The following PTPRN2 variants were observed in gnomAD, a reference collection of about 807,000 sequenced individuals.
The protein encoded by PTPRN2 is receptor-type tyrosine-protein phosphatase N2.
Under a neutral mutation model 118.8 loss-of-function variants are expected in PTPRN2, and 74 were observed. The observed-to-expected ratio is 0.62, with a 90% confidence interval of 0.52 to 0.76. The LOEUF (loss-of-function observed/expected upper bound fraction) is 0.76. Among genes scored for constraint, PTPRN2 ranks in the 30% least tolerant of loss-of-function variants. PTPRN2 has a pLI of 0.00. For missense variants in PTPRN2, 1,481 were observed against 1,394.4 expected, an observed-to-expected ratio of 1.06 and a Z score of -0.99; for synonymous variants, 641 against 608.0, an observed-to-expected ratio of 1.05 and a Z score of -0.80.
intron 3 of PTPRN2, among the ~76,000 whole-genome samples, chr7:158,254,688 C>G (rs563343990): frequency 5.3e-5 from 8 of 152,064 alleles, no homozygotes; most frequent in African/African-American, 1.9e-4. Context: ...ATCCCTGTAA[C>G]TGGACAGTGG....
rs565347973 is a variant in PTPRN2, at chr7:158,343,392, C to A, written c.164-26460G>T. 2.0e-5 allele frequency among the ~76,000 whole-genome samples: 3 copies of A among 152,264 alleles called. No individual in the cohort carries two copies. In the East Asian group the frequency reaches 5.8e-4, roughly 29 times the overall value. ...GGACATCTGCTATCAAAAAACGAAA[C>A]GAAGCAAAACCGAAAATAACGCGTG... is the stretch of plus-strand genomic sequence containing the variant. On this transcript the variant is annotated intron_variant, in intron 2 of 22. Transcript: ENST00000389418.
chr7:157,866,869 C>T (rs112233047), intron 12 of PTPRN2, among the ~76,000 whole-genome samples: 1 of 85,676 alleles, frequency 1.2e-5, no homozygotes, highest in Non-Finnish European at 2.5e-5. Context: ...CACCACCCCG[C>T]CCCCGACGCC....
chr7:157,936,622 G>A (rs1244463455), intron 11 of PTPRN2, among the ~76,000 whole-genome samples: 1 of 143,624 alleles, frequency 7.0e-6, no homozygotes, highest in Non-Finnish European at 1.6e-5. Context: ...TCGGAAGCCA[G>A]GGTGGGGTTC....
rs559724344 is a variant in PTPRN2, at chr7:158,249,281, A to G, written c.278-44008T>C. 1.7e-3 allele frequency among the ~76,000 whole-genome samples: 250 copies of G among 150,716 alleles called. 1 individual carries two copies. The highest frequency in any genetic ancestry group is 5.8e-3 in the African/African-American group (237 of 40,824). ...CACACGCATCACACACATGCACACC[A>G]TACACACATGCATACATATGCATAT... On this transcript the variant is annotated intron_variant, in intron 3 of 22. Coordinates refer to ENST00000389418, the MANE Select transcript of PTPRN2 (RefSeq NM_002847.5).
At chr7:157,636,446 T>C (rs1286297016) in intron 14 of PTPRN2, among the ~76,000 whole-genome samples, 3 of 152,254 alleles carry the variant, frequency 2.0e-5, no homozygotes, top group Non-Finnish European at 4.4e-5. Context: ...AGTGTGATGA[T>C]TTTAATACCA....
chr7:157,672,170 CT>C (rs758262739), intron 13 of PTPRN2, among the ~76,000 whole-genome samples: 8 of 152,072 alleles, frequency 5.3e-5, no homozygotes, highest in Non-Finnish European at 1.0e-4. Flanking sequence ...AAAACCCCCC[CT>C]GGAGAAGCGA....
rs1201545526 is a variant in PTPRN2 at position 157,987,952 on chromosome 7, C to A, written c.1724-89215G>T. Among the ~76,000 whole-genome samples the A allele has an allele frequency of 1.3e-5, 2 of 152,022 alleles. No homozygotes were observed. The highest frequency in any genetic ancestry group is 2.9e-5 in the Non-Finnish European group (2 of 68,006). On this transcript the variant is annotated intron_variant, in intron 11 of 22. Coordinates refer to ENST00000389418, the MANE Select transcript of PTPRN2 (RefSeq NM_002847.5). The surrounding 1 kb of genome is among the most constrained non-coding windows in gnomAD (Gnocchi z 4.3). The stretch of plus-strand genomic sequence containing the variant: ...GGGTCTCCGGACATCACTGATGCCC[C>A]CAGCTCTCCCCACACCTGCCATTCC...
chr7:158,344,208 G>A (rs1264891655), intron 2 of PTPRN2, among the ~76,000 whole-genome samples: 2 of 152,252 alleles, frequency 1.3e-5, no homozygotes, highest in East Asian at 3.9e-4. Context: ...GCACAGACGG[G>A]GGAAGCTCCA....
chr7:157,896,346 AAGCCAC>A lies in PTPRN2; in HGVS notation c.1788+2321_1788+2326del, dbSNP rs200449978. Among the ~76,000 whole-genome samples the A allele has an allele frequency of 3.3e-4, 50 of 152,304 alleles. 1 individual carries two copies. In the East Asian group the frequency reaches 9.1e-3, roughly 28 times the overall value. ...GAGGACAGGAGGAGCTGGGAGGCTGAAGCCACAGCGACCAGGCCCTGTGGCTCCTCC... is the reference window on the plus strand; with the variant it reads ...GAGGACAGGAGGAGCTGGGAGGCTGAAGCGACCAGGCCCTGTGGCTCCTCC... On this transcript the variant is annotated intron_variant, in intron 12 of 22. Transcript: ENST00000389418.
intron 12 of PTPRN2, among the ~76,000 whole-genome samples, chr7:157,783,318 A>G (rs947616987): frequency 2.0e-5 from 3 of 151,696 alleles, no homozygotes; most frequent in Non-Finnish European, 4.4e-5. Flanking sequence ...TCACGTTCCC[A>G]TCTGAATATG....
intron 1 of PTPRN2, among the ~76,000 whole-genome samples, chr7:158,538,279 C>T (rs1216502807): frequency 6.6e-6 from 1 of 152,230 alleles, no homozygotes; most frequent in African/African-American, 2.4e-5. Context: ...GAAAGTGTTT[C>T]GAGACCTGCT....
At chr7:158,478,202 C>T (rs965390261) in intron 2 of PTPRN2, among the ~76,000 whole-genome samples, 3 of 152,206 alleles carry the variant, frequency 2.0e-5, no homozygotes, top group African/African-American at 7.2e-5. Flanking sequence ...GAAGGCTCAG[C>T]CCATGACTGC....
At chr7:158,303,652 A>C (rs994360448) in intron 3 of PTPRN2, among the ~76,000 whole-genome samples, 5 of 152,266 alleles carry the variant, frequency 3.3e-5, no homozygotes, top group African/African-American at 1.2e-4. Flanking sequence ...AGAGAGTGTT[A>C]GTCCCATTTT....
rs1015846681 is a variant in PTPRN2 at position 158,564,039 on chromosome 7, G to A, written c.112+23519C>T. On this transcript the variant is annotated intron_variant, in intron 1 of 22. Transcript: ENST00000389418. ...ATTATACAAAGATGATACAAAGAAA[G>A]GGCTAGGGCAGCACTTGCGGGGGGC... Among the ~76,000 whole-genome samples the A allele has an allele frequency of 2.6e-5, 4 of 152,120 alleles. No individual in the cohort carries two copies. The South Asian group carries it at 8.3e-4, about 32-fold the overall frequency.
chr7:157,793,995 G>A (rs558237053), intron 12 of PTPRN2, among the ~76,000 whole-genome samples: 3 of 152,270 alleles, frequency 2.0e-5, no homozygotes, highest in African/African-American at 7.2e-5. Flanking sequence ...GCCCCTTCCC[G>A]GGTCCCCACC....
chr7:158,333,556 AC>A, intron 2 of PTPRN2, among the ~76,000 whole-genome samples: 1 of 150,354 alleles, frequency 6.7e-6, no homozygotes, highest in Non-Finnish European at 1.5e-5. Context: ...TCACACCCAC[AC>A]TCTCACCATA....
chr7:157,646,876 ACT>A (rs1354579101), intron 14 of PTPRN2, among the ~76,000 whole-genome samples: 1 of 151,550 alleles, frequency 6.6e-6, no homozygotes. Flanking sequence ...GGACCCATTC[ACT>A]GTGCACCGAA....
chr7:158,540,774 C>G (rs1825941965), intron 1 of PTPRN2, among the ~76,000 whole-genome samples: 1 of 152,224 alleles, frequency 6.6e-6, no homozygotes, highest in Non-Finnish European at 1.5e-5. Flanking sequence ...GCTTTTCCTT[C>G]AGTGTGGAAG....
chr7:158,186,665 C>T (rs56913281), intron 5 of PTPRN2, among the ~76,000 whole-genome samples: 1,924 of 152,136 alleles, frequency 0.013, 22 homozygotes, highest in African/African-American at 0.044. Flanking sequence ...GGCATGAGCG[C>T]GCCTGGGCCT....
Sources: allele counts gnomAD v4.1 joint callset (sites outside exome capture counted in the v4.1 genomes callset), GRCh38; gene constraint gnomAD v4.1.1; non-coding constraint Gnocchi (gnomAD v3.1); transcripts MANE v1.5; gene names NCBI Gene and HGNC (gene_info 2026-07-23, HGNC 2026-07-21).